The following SFXN4 variants were observed in gnomAD, a reference collection of about 807,000 sequenced individuals.
SFXN4 encodes sideroflexin-4.
SFXN4 carries 48 observed loss-of-function variants against 54.6 expected under a neutral mutation model. The ratio of observed to expected loss-of-function variants is 0.88; its 90% CI spans 0.70 to 1.12. The LOEUF is 1.12. Ranked by LOEUF, SFXN4 falls within the 50% of genes most tolerant of loss-of-function variation. SFXN4 has a pLI of 0.00. For missense variants in SFXN4, 383 were observed against 409.2 expected (o/e 0.94, Z 0.55); for synonymous variants, 130 against 145.5 (o/e 0.89, Z 0.77).
intron 2 of SFXN4, among the ~76,000 whole-genome samples, chr10:119,162,778 CT>C (rs1847608718): frequency 1.3e-5 from 1 of 74,640 alleles, no homozygotes; most frequent in Non-Finnish European, 3.9e-5. Flanking sequence ...CTTATTTCCT[CT>C]CTTTTTCTTT....
intron 12 of SFXN4, among the ~76,000 whole-genome samples, chr10:119,146,907 G>A (rs1469662138): frequency 3.3e-5 from 5 of 152,132 alleles, no homozygotes; most frequent in African/African-American, 1.2e-4. Context: ...TGTGGTCCTA[G>A]CAGGCGATTC....
At chr10:119,155,014 A>T in intron 11 of SFXN4, 48 bp downstream of exon 11, 1 of 1,293,570 alleles carries the variant, frequency 7.7e-7, no homozygotes, top group Non-Finnish European at 1.1e-6. Flanking sequence ...AGAAAAGTCT[A>T]GTCGTTGCCC....
At chr10:119,159,297 C>G (rs1456038275) in intron 6 of SFXN4, among the ~76,000 whole-genome samples, 1 of 151,858 alleles carries the variant, frequency 6.6e-6, no homozygotes, top group African/African-American at 2.4e-5. Flanking sequence ...AAAAAAAACC[C>G]AAAAAACCAA....
intron 5 of SFXN4, among the ~76,000 whole-genome samples, chr10:119,160,675 C>T (rs531232610): frequency 1.3e-5 from 2 of 149,584 alleles, no homozygotes; most frequent in South Asian, 2.1e-4. Flanking sequence ...CTGCAACCTC[C>T]GGCTCCCGGG....
intron 11 of SFXN4, among the ~76,000 whole-genome samples, chr10:119,153,368 C>G (rs1032485165): frequency 7.0e-6 from 1 of 143,736 alleles, no homozygotes; most frequent in African/African-American, 2.6e-5. Context: ...GTGATCACAC[C>G]ATTGCACTCC....
At chr10:119,152,628 T>C (rs1033896393) in intron 11 of SFXN4, among the ~76,000 whole-genome samples, 3 of 152,164 alleles carry the variant, frequency 2.0e-5, no homozygotes, top group Non-Finnish European at 4.4e-5. Flanking sequence ...ATTTTATCTC[T>C]GTCATAATTC....
chr10:119,157,789 A>G, intron 8 of SFXN4, 56 bp from the exon 9 acceptor site: 6 of 1,605,192 alleles, frequency 3.7e-6, no homozygotes, highest in Non-Finnish European at 5.1e-6. Flanking sequence ...TCCAGCAAAG[A>G]TAATTTAAAA....
chr10:119,160,642 C>T (rs549111285), intron 5 of SFXN4, among the ~76,000 whole-genome samples: 3 of 137,468 alleles, frequency 2.2e-5, no homozygotes, highest in South Asian at 2.3e-4. Context: ...CAGGCTGGAG[C>T]GCAATGGCAT....
At chr10:119,158,283 A>G (rs562222330) in intron 6 of SFXN4, 10 of 581,610 alleles carry the variant, frequency 1.7e-5, no homozygotes, top group South Asian at 1.4e-4. Flanking sequence ...GTCGAACAGC[A>G]GGCCGTGTCT....
intron 10 of SFXN4, among the ~76,000 whole-genome samples, chr10:119,155,656 C>T (rs1847253570): frequency 1.3e-5 from 2 of 152,126 alleles, no homozygotes; most frequent in South Asian, 4.1e-4. Context: ...CCACGCCCGG[C>T]TAATTTTTGT....
chr10:119,159,325 C>T (rs965844849), intron 6 of SFXN4, among the ~76,000 whole-genome samples: 3 of 152,070 alleles, frequency 2.0e-5, no homozygotes, highest in Non-Finnish European at 4.4e-5. Context: ...CTCCCAAGGG[C>T]CAAGGTGAGA....
intron 11 of SFXN4, among the ~76,000 whole-genome samples, chr10:119,148,236 G>A (rs1846903053): frequency 6.6e-6 from 1 of 152,068 alleles, no homozygotes; most frequent in Non-Finnish European, 1.5e-5. Context: ...GCGAGAGACA[G>A]GCAACAGTAA....
At chr10:119,144,062 A>C (rs1464234273) in intron 13 of SFXN4, among the ~76,000 whole-genome samples, 1 of 152,162 alleles carries the variant, frequency 6.6e-6, no homozygotes, top group Non-Finnish European at 1.5e-5. Flanking sequence ...AAACCTATAA[A>C]ACGTGGGTTC....
chr10:119,159,859 G>T, intron 5 of SFXN4, 106 bp from the exon 6 acceptor site: 1 of 1,208,426 alleles, frequency 8.3e-7, no homozygotes, highest in Non-Finnish European at 1.2e-6. Context: ...CTTCCAGAAG[G>T]CACAGACCTC....
At chr10:119,162,094 G>A in intron 3 of SFXN4, 1 of 520,168 alleles carries the variant, frequency 1.9e-6, no homozygotes, top group Non-Finnish European at 3.4e-6. Flanking sequence ...GAAACTTGCT[G>A]TCTGGTTTAT....
chr10:119,149,435 C>T (rs750160505), intron 11 of SFXN4, among the ~76,000 whole-genome samples: 2 of 152,046 alleles, frequency 1.3e-5, no homozygotes, highest in Non-Finnish European at 2.9e-5. Context: ...GAGAGGAAGC[C>T]GAGGAGGGCT....
Position 119,147,822 on chromosome 10 carries a change from A to C in SFXN4, c.771T>G (p.Phe257Leu). 6.2e-7 allele frequency: 1 copy of C among 1,614,176 alleles called. No individual in the cohort carries two copies. The highest frequency in any genetic ancestry group is 8.5e-7 in the Non-Finnish European group (1 of 1,180,004). ...RETLASRIVL[F>L]GTSALIPEVF... ...CTTCAGGAATCAGAGCTGAGGTCCC[A>C]AACAGCACTATTCTGGATGCTAGCG... The change falls in exon 12 of 14, where the codon TTT becomes TTG. Residue 257 changes from phenylalanine (F) to leucine (L), a missense_variant. Phe to Leu is a conservative substitution (Grantham distance 22). Transcript: ENST00000355697.
Position 119,140,994 on chromosome 10 carries a change from A to C in SFXN4, c.*248T>G, listed in dbSNP as rs1846496533. On this transcript the variant is annotated 3_prime_UTR_variant, in exon 14 of 14. Coordinates refer to ENST00000355697, the MANE Select transcript of SFXN4 (RefSeq NM_213649.2). ...AGTATCCTTTCGCAGGCCGATCCCC[A>C]CTCCAACCGTTCCCTCAGCAACCCC... The C allele has an allele frequency of 1.5e-5, 6 of 412,572 alleles. No homozygotes were observed. In the South Asian group the frequency reaches 3.0e-4, roughly 21 times the overall value. The allele number at this position is 412,572 out of a possible 1,614,324, so 25.6% of individuals were successfully genotyped here. A position where few individuals can be genotyped will look rare whatever the true frequency, so the allele number is the denominator to read the frequency against.
chr10:119,146,465 G>GTA lies in SFXN4; in HGVS notation c.819-113_819-112insTA, dbSNP rs1326774188. Reference sequence around the variant, plus strand: ...TGTGTGTGTGTGTGTGTGTGTGCACGTGTGTGTGTACCTGAACACCTGGAT... The same window carrying GTA: ...TGTGTGTGTGTGTGTGTGTGTGCACGTATGTGTGTGTACCTGAACACCTGGAT... On this transcript the variant is annotated intron_variant, in intron 12 of 13. Transcript: ENST00000355697. 4.4e-5 allele frequency: 21 copies of GTA among 476,680 alleles called. 1 individual carries two copies. The highest frequency in any genetic ancestry group is 7.2e-5 in the Non-Finnish European group (20 of 279,222). 29.5% of individuals were successfully genotyped at this position (476,680 alleles called of 1,614,324 possible).
Sources: allele counts gnomAD v4.1 joint callset (sites outside exome capture counted in the v4.1 genomes callset), GRCh38; gene constraint gnomAD v4.1.1; transcripts MANE v1.5; gene names NCBI Gene and HGNC (gene_info 2026-07-23, HGNC 2026-07-21).